Variants in DGKZ observed in about 807,000 individuals in gnomAD.
DGKZ encodes the protein DAG kinase zeta.
In DGKZ, 45 loss-of-function variants were observed where a neutral mutation model predicts 142.5. The ratio of observed to expected loss-of-function variants is 0.32; its 90% CI spans 0.25 to 0.40. The LOEUF (loss-of-function observed/expected upper bound fraction) is 0.40. Among genes scored for constraint, DGKZ ranks in the 10% least tolerant of loss-of-function variants. DGKZ has a pLI of 1.00. For synonymous variants in DGKZ, 442 were observed against 527.0 expected (o/e 0.84, Z 2.21); for missense variants, 755 against 1,306.5 (o/e 0.58, Z 6.51).
At chr11:46,345,533 C>G (rs373623948), upstream of DGKZ, 2 of 1,524,394 alleles carry the variant, frequency 1.3e-6, no homozygotes, top group Admixed American at 2.1e-5. This position sits in a 1 kb window ranked among gnomAD's most constrained non-coding sequence, Gnocchi z 4.1. Context: ...GCAGATGTGG[C>G]GCTACCGCTC....
chr11:46,343,536 G>A (rs149413008), upstream of DGKZ, among the ~76,000 whole-genome samples: 426 of 152,274 alleles, frequency 2.8e-3, no homozygotes, highest in African/African-American at 9.2e-3. Context: ...ATTAAAGAAT[G>A]CTTGAGGAAG....
intron 1 of DGKZ, among the ~76,000 whole-genome samples, chr11:46,356,240 G>A (rs771720001): frequency 3.3e-5 from 5 of 152,144 alleles, no homozygotes; most frequent in Non-Finnish European, 5.9e-5. Flanking sequence ...ATCAGGGATC[G>A]GTTTCAGTGT....
At chr11:46,374,888 T>C (rs766798522) in intron 18 of DGKZ, 46 bp from the exon 19 acceptor site, 1 of 1,582,518 alleles carries the variant, frequency 6.3e-7, no homozygotes, top group Admixed American at 1.7e-5. Flanking sequence ...GTCCTTGTCC[T>C]GCAGAGACTG....
chr11:46,346,892 T>C (rs993268564), upstream of DGKZ, among the ~76,000 whole-genome samples: 1 of 152,218 alleles, frequency 6.6e-6, no homozygotes, highest in Non-Finnish European at 1.5e-5. Context: ...TGTTGGTGTG[T>C]GTGCGAGTCA....
chr11:46,372,170 G>A lies in DGKZ; in HGVS notation c.927G>A (p.Gln309=). The A allele has an allele frequency of 6.2e-7, 1 of 1,604,238 alleles. No individual in the cohort carries two copies. Residue 309 remains glutamine, a splice_region_variant and synonymous_variant, in exon 10 of 31, where the codon CAG becomes CAA. Coordinates refer to ENST00000527911, the Ensembl canonical transcript of DGKZ. The surrounding 1 kb of genome is among the most constrained non-coding windows in gnomAD (Gnocchi z 5.9). Reference sequence around the variant, plus strand: ...TGAACCCCAAGAGTGGGGGCAACCAGGTGAACGCGGCCTTGCCTCTCAGCT... The same window carrying A: ...TGAACCCCAAGAGTGGGGGCAACCAAGTGAACGCGGCCTTGCCTCTCAGCT...
In DGKZ at chr11:46,372,551, A is replaced by T. The variant is rs112416431; in HGVS notation, c.1010+41A>T. On this transcript the variant is annotated intron_variant, in intron 11 of 30. Coordinates refer to ENST00000527911, the Ensembl canonical transcript of DGKZ. The surrounding 1 kb of genome is among the most constrained non-coding windows in gnomAD (Gnocchi z 5.9). The stretch of plus-strand genomic sequence containing the variant: ...GGTTTTGTGGGGGACATGGGGGGGA[A>T]CTTGCCTCACTCCTGGGGTACAGCA... The T allele has an allele frequency of 7.9e-4, 1,282 of 1,613,748 alleles. 5 individuals carry two copies. In the African/African-American group the frequency reaches 0.015, roughly 19 times the overall value.
intron 1 of DGKZ, among the ~76,000 whole-genome samples, chr11:46,358,936 A>T (rs1942327702): frequency 6.6e-6 from 1 of 151,912 alleles, no homozygotes; most frequent in Admixed American, 6.6e-5. Context: ...TGAGGTCAGG[A>T]GTTTGAGAGC....
intron 1 of DGKZ, chr11:46,366,446 G>T: frequency 6.4e-7 from 1 of 1,552,936 alleles, no homozygotes. Flanking sequence ...CCTGAGTTGC[G>T]GGGTGAGGGC....
Position 46,379,260 on chromosome 11 carries a change from C to T in DGKZ, c.2573+24C>T, listed in dbSNP as rs1180223042. 2.5e-6 allele frequency: 4 copies of T among 1,612,960 alleles called. No homozygotes were observed. In the African/African-American group the frequency reaches 5.3e-5, roughly 22 times the overall value. On this transcript the variant is annotated intron_variant, in intron 29 of 30. Transcript: ENST00000527911. ...AAGTAAGTATCTGGGCAGTGCAGAA[C>T]CGTGGTCACCCCGGAAACCACCCTT...
At chr11:46,377,039 TGCCCTGACCTCCC>T (rs1354901229) in intron 24 of DGKZ, 21 bp from the exon 25 acceptor site, 7 of 1,591,226 alleles carry the variant, frequency 4.4e-6, no homozygotes, top group South Asian at 2.2e-5. Context: ...CACCGTCAGG[TGCCCTGACCTCCC>T]GCCCTGACCT....
intron 1 of DGKZ, among the ~76,000 whole-genome samples, chr11:46,357,607 C>T (rs1454072168): frequency 2.0e-5 from 3 of 152,270 alleles, no homozygotes; most frequent in Non-Finnish European, 4.4e-5. Context: ...CACTGATCAG[C>T]AGTAAATGCT....
At chr11:46,373,968 C>A (rs1944266120) in intron 14 of DGKZ, among the ~76,000 whole-genome samples, 189 bp from the exon 15 acceptor site, 1 of 152,256 alleles carries the variant, frequency 6.6e-6, no homozygotes, top group African/African-American at 2.4e-5. Context: ...CAGGGAAATC[C>A]CCCAGGAGCC....
Position 46,372,752 on chromosome 11 carries a change from T to C in DGKZ, c.1072-19T>C. 1.9e-6 allele frequency: 3 copies of C among 1,609,036 alleles called. No individual in the cohort carries two copies. Among genetic ancestry groups the C allele is most frequent in the Non-Finnish European group, 2.5e-6 (3 of 1,177,758 alleles). On this transcript the variant is annotated intron_variant, in intron 12 of 30. Transcript: ENST00000527911. This position sits in a 1 kb window ranked among gnomAD's most constrained non-coding sequence, Gnocchi z 5.9. ...GGGGTCCCTGTGGGCCTGATTTGCC[T>C]CTGTTCTTCCTCCCCCAGGTGGGCT...
In DGKZ at chr11:46,347,487, A is replaced by G. The variant is rs1421125536; in HGVS notation, c.-173A>G. On this transcript the variant is annotated 5_prime_UTR_variant, in exon 1 of 31. Coordinates refer to ENST00000527911, the Ensembl canonical transcript of DGKZ. This position sits in a 1 kb window ranked among gnomAD's most constrained non-coding sequence, Gnocchi z 6.4. ...CGGCACTTCCTGGAGCGGCGGCGGC[A>G]GCGGCTTCCCGGGCACCTGGGCGTG... 2 of 981,486 alleles carry G rather than the reference A, an allele frequency of 2.0e-6. No individual in the cohort carries two copies. The highest frequency in any genetic ancestry group is 1.8e-5 in the African/African-American group (1 of 56,512). The allele number at this position is 981,486 out of a possible 1,614,324, so 60.8% of individuals were successfully genotyped here. A position where few individuals can be genotyped will look rare whatever the true frequency, so the allele number is the denominator to read the frequency against.
upstream of DGKZ, among the ~76,000 whole-genome samples, chr11:46,344,769 C>G (rs1940466792): frequency 6.6e-6 from 1 of 152,126 alleles, no homozygotes; most frequent in Admixed American, 6.5e-5. Flanking sequence ...CTCCACTTTA[C>G]AGATGAGAAA....
At chr11:46,333,077 C>A in exon 1 of DGKZ, 1 of 406,476 alleles carries the variant, frequency 2.5e-6, no homozygotes. Flanking sequence ...CGCAGGAGGA[C>A]CCCGGCCCGC....
chr11:46,344,706 G>A (rs1310718500), upstream of DGKZ, among the ~76,000 whole-genome samples: 5 of 151,986 alleles, frequency 3.3e-5, no homozygotes, highest in African/African-American at 7.3e-5. Flanking sequence ...TGCCCACCTC[G>A]GCCTCCCAAA....
intron 1 of DGKZ, among the ~76,000 whole-genome samples, chr11:46,335,454 C>CAT (rs1491262289): frequency 6.6e-6 from 1 of 151,834 alleles, no homozygotes; most frequent in African/African-American, 2.4e-5. Flanking sequence ...CACACACACA[C>CAT]GCACACAGCG....
chr11:46,370,156 T>C (rs2136475897), intron 6 of DGKZ, 147 bp downstream of exon 6: 1 of 947,764 alleles, frequency 1.1e-6, no homozygotes, highest in East Asian at 2.6e-5. Context: ...TGCCTTCAGT[T>C]CTCAAGCACC....
Sources: gnomAD v4.1 joint callset for allele counts (sites outside exome capture counted in the v4.1 genomes callset) on GRCh38, gnomAD v4.1.1 for gene constraint, Gnocchi (gnomAD v3.1) non-coding constraint, MANE v1.5 for transcripts, NCBI Gene and HGNC (gene_info 2026-07-23, HGNC 2026-07-21) for gene names.